The following MAPK10 variants were observed in gnomAD, a reference collection of about 807,000 sequenced individuals.
The protein encoded by MAPK10 is mitogen-activated protein kinase 10, also known as JNK3 alpha protein kinase.
A neutral mutation model predicts 59.3 loss-of-function variants in MAPK10; 25 were observed. The observed-to-expected ratio is 0.42, with a 90% CI of 0.31 to 0.59. The LOEUF is 0.59. Among genes scored for constraint, MAPK10 ranks in the 20% least tolerant of loss-of-function variants. The pLI is 0.15. For synonymous variants in MAPK10, 190 were observed against 200.5 expected (o/e 0.95, Z 0.44); for missense variants, 351 against 568.9 (o/e 0.62, Z 3.90).
intron 2 of MAPK10, among the ~76,000 whole-genome samples, chr4:86,219,071 TTTCTA>T (rs2088722910): frequency 6.6e-6 from 1 of 152,210 alleles, no homozygotes; most frequent in African/African-American, 2.4e-5. Context: ...CACGTTCCTG[TTTCTA>T]TTGATAGACT....
At chr4:86,521,746 C>T (rs1207766840) in intron 1 of MAPK10, among the ~76,000 whole-genome samples, 2 of 152,204 alleles carry the variant, frequency 1.3e-5, no homozygotes, top group Non-Finnish European at 2.9e-5. Context: ...GCACACAGGG[C>T]TCTCAGGCTT....
At chr4:86,095,809 A>G (rs1280508334) in intron 9 of MAPK10, 2 of 151,866 alleles carry the variant, frequency 1.3e-5, no homozygotes, top group African/African-American at 2.4e-5. Context: ...AGATTTCTAT[A>G]GGTTTATTTT....
chr4:86,216,295 C>CACATACATAT (rs376432598), intron 2 of MAPK10, among the ~76,000 whole-genome samples: 2,372 of 131,132 alleles, frequency 0.018, 34 homozygotes, highest in South Asian at 0.056. Flanking sequence ...ATATATATAG[C>CACATACATAT]ATATATATAT....
intron 1 of MAPK10, among the ~76,000 whole-genome samples, chr4:86,537,530 A>G (rs1029750401): frequency 1.3e-5 from 2 of 152,214 alleles, no homozygotes; most frequent in Non-Finnish European, 2.9e-5. Context: ...GCTGGAGCAG[A>G]AAGTGTGCCA....
At chr4:86,391,301 T>G (rs1742144884) in intron 1 of MAPK10, among the ~76,000 whole-genome samples, 1 of 152,190 alleles carries the variant, frequency 6.6e-6, no homozygotes, top group African/African-American at 2.4e-5. Flanking sequence ...TAAAAAGCTT[T>G]CCTTGAAAAT....
intron 1 of MAPK10, among the ~76,000 whole-genome samples, chr4:86,432,958 G>A (rs1319180945): frequency 1.3e-5 from 2 of 152,166 alleles, no homozygotes; most frequent in Admixed American, 6.5e-5. Flanking sequence ...CATACCTGTG[G>A]GAGGGAGGAA....
intron 2 of MAPK10, among the ~76,000 whole-genome samples, chr4:86,194,630 CAT>C (rs2080856526): frequency 6.6e-6 from 1 of 151,742 alleles, no homozygotes; most frequent in Non-Finnish European, 1.5e-5. Flanking sequence ...CCATCACACT[CAT>C]AAAGATTAGA....
chr4:86,286,173 A>G (rs1352956529), intron 2 of MAPK10, among the ~76,000 whole-genome samples: 3 of 152,230 alleles, frequency 2.0e-5, no homozygotes, highest in Non-Finnish European at 4.4e-5. Context: ...AGAAATGTGT[A>G]AACCAATAAA....
At chr4:86,103,085 G>GTGTGTA in intron 6 of MAPK10, 101 bp downstream of exon 6, 1 of 711,882 alleles carries the variant, frequency 1.4e-6, no homozygotes, top group Non-Finnish European at 2.5e-6. Context: ...CTGTGTGTGT[G>GTGTGTA]TGTGTGTGTG....
chr4:86,591,449 C>T (rs571372137), intron 1 of MAPK10, among the ~76,000 whole-genome samples: 46 of 152,100 alleles, frequency 3.0e-4, no homozygotes, highest in Non-Finnish European at 5.6e-4. Flanking sequence ...TCATGGCTCA[C>T]TTCAGCCTCG....
intron 4 of MAPK10, chr4:86,152,590 C>G (rs539139199): frequency 6.6e-6 from 1 of 152,256 alleles, no homozygotes; most frequent in Admixed American, 6.5e-5. Flanking sequence ...GTCCTCAGCC[C>G]CCACATTCAA....
chr4:86,380,857 A>G (rs1740584407), intron 1 of MAPK10, among the ~76,000 whole-genome samples: 1 of 85,696 alleles, frequency 1.2e-5, no homozygotes, highest in Non-Finnish European at 2.7e-5. Context: ...GTTGGAAAGC[A>G]TTAAAAAAAA....
chr4:86,055,812 C>A (rs960270131), intron 11 of MAPK10, among the ~76,000 whole-genome samples: 1 of 149,686 alleles, frequency 6.7e-6, no homozygotes, highest in African/African-American at 2.5e-5. Flanking sequence ...GCAGTTTATG[C>A]TTATTTAAAT....
chr4:86,288,928 T>TAA (rs202103787), intron 2 of MAPK10, among the ~76,000 whole-genome samples: 3 of 126,516 alleles, frequency 2.4e-5, no homozygotes, highest in Non-Finnish European at 3.6e-5. Context: ...AAAATAAAAG[T>TAA]AAAAAAAAAA....
chr4:86,513,604 A>G lies in MAPK10; in HGVS notation c.-263+80306T>C, dbSNP rs575482126. On this transcript the variant is annotated intron_variant, in intron 1 of 4. Coordinates refer to the MAPK10 transcript ENST00000502302. ...GGCCACATGGTTACAAGTCTTACTT[A>G]ATTTCCCACAGTAGGATTTCCCACA... 1.1e-4 allele frequency among the ~76,000 whole-genome samples: 17 copies of G among 152,318 alleles called. No individual in the cohort carries two copies. The South Asian group carries it at 3.5e-3, about 32-fold the overall frequency.
chr4:86,346,470 C>CTA (rs746304479), intron 2 of MAPK10, among the ~76,000 whole-genome samples: 34 of 152,066 alleles, frequency 2.2e-4, no homozygotes, highest in Non-Finnish European at 4.1e-4. Flanking sequence ...ACAGACATAA[C>CTA]CATCATAGGC....
Position 86,415,136 on chromosome 4 carries a change from C to CAA in MAPK10, c.-122+37892_-122+37893dup, listed in dbSNP as rs5860025. Among the ~76,000 whole-genome samples the CAA allele has an allele frequency of 2.1e-3, 223 of 106,204 alleles. 1 individual carries two copies. The highest frequency in any genetic ancestry group is 2.0e-3 in the Non-Finnish European group (108 of 53,428). 69.7% of individuals were successfully genotyped at this position (106,204 alleles called of 152,430 possible). A position where few individuals can be genotyped will look rare whatever the true frequency, so the allele number is the denominator to read the frequency against. Reference sequence around the variant, plus strand: ...ACCAGGCAACAGACCAAGATTCTGTCAAAAAAAAAAAAAAAAAAAACTTCC... The same window carrying CAA: ...ACCAGGCAACAGACCAAGATTCTGTCAAAAAAAAAAAAAAAAAAAAAACTTCC... On this transcript the variant is annotated intron_variant, in intron 1 of 13. Transcript: ENST00000361569.
chr4:86,100,897 T>C, intron 8 of MAPK10, 155 bp downstream of exon 8: 1 of 581,818 alleles, frequency 1.7e-6, no homozygotes, highest in Admixed American at 3.0e-5. Context: ...AATGAGTGTT[T>C]CTTACCAGTA....
At chr4:86,226,845 A>G (rs570982957) in intron 2 of MAPK10, among the ~76,000 whole-genome samples, 1 of 152,194 alleles carries the variant, frequency 6.6e-6, no homozygotes, top group South Asian at 2.1e-4. Flanking sequence ...GAAGAATCTG[A>G]CATAGCTGTC....
Sources: allele counts gnomAD v4.1 joint callset (sites outside exome capture counted in the v4.1 genomes callset), GRCh38; gene constraint gnomAD v4.1.1; transcripts MANE v1.5; gene names NCBI Gene and HGNC (gene_info 2026-07-23, HGNC 2026-07-21).